PDE8B: variants seen among roughly 807,000 people sequenced by gnomAD.
PDE8B encodes phosphodiesterase 8B.
Under a neutral mutation model 101.3 loss-of-function variants are expected in PDE8B, and 26 were observed. The ratio of observed to expected loss-of-function variants is 0.26; its 90% CI spans 0.19 to 0.36. The LOEUF is 0.36. Ranked by LOEUF, PDE8B falls within the 10% of genes least tolerant of loss-of-function variation. The pLI is 1.00. For synonymous variants in PDE8B, 424 were observed against 429.3 expected (o/e 0.99, Z 0.15); for missense variants, 810 against 1,163.1 (o/e 0.70, Z 4.42).
At chr5:77,145,211 A>C in the PDE8B span, 2 of 152,158 alleles carry the variant, frequency 1.3e-5, no homozygotes, top group Non-Finnish European at 2.9e-5. Flanking sequence ...TACATATACA[A>C]AGTGATGAAA....
rs59393259 is a variant in PDE8B, at chr5:77,386,865, C to CTTTTTTTTTTTTTTTTTT, written c.1168-13371_1168-13354dup. 3.1e-4 allele frequency among the ~76,000 whole-genome samples: 16 copies of CTTTTTTTTTTTTTTTTTT among 51,080 alleles called. 3 individuals carry two copies. Among genetic ancestry groups the CTTTTTTTTTTTTTTTTTT allele is most frequent in the East Asian group, 7.9e-4 (1 of 1,260 alleles). The allele number at this position is 51,080 out of a possible 152,430, so 33.5% of individuals were successfully genotyped here. A position where few individuals can be genotyped will look rare whatever the true frequency, so the allele number is the denominator to read the frequency against. On this transcript the variant is annotated intron_variant, in intron 10 of 21. Transcript: ENST00000264917. ...TTTTGCCTGTTAGTTGATGTAGTTT[C>CTTTTTTTTTTTTTTTTTT]TTTTTTTTTTTTTTTTTTTTTTTTT...
chr5:77,355,500 C>G (rs1174286611), intron 10 of PDE8B, among the ~76,000 whole-genome samples: 1 of 152,110 alleles, frequency 6.6e-6, no homozygotes, highest in Non-Finnish European at 1.5e-5. Context: ...CAAAATCGGC[C>G]CATGGGTTTG....
At chr5:77,387,885 A>G (rs1452542599) in intron 10 of PDE8B, among the ~76,000 whole-genome samples, 1 of 151,730 alleles carries the variant, frequency 6.6e-6, no homozygotes, top group Non-Finnish European at 1.5e-5. Context: ...ATACTTGTGT[A>G]TGCTTCATGA....
At chr5:77,250,454 C>A (rs1328711490) in intron 1 of PDE8B, among the ~76,000 whole-genome samples, 1 of 152,154 alleles carries the variant, frequency 6.6e-6, no homozygotes, top group Non-Finnish European at 1.5e-5. Flanking sequence ...GACAGGGACA[C>A]TTTTCGTAAG....
intron 1 of PDE8B, among the ~76,000 whole-genome samples, chr5:77,215,711 C>T (rs1749530532): frequency 6.6e-6 from 1 of 152,122 alleles, no homozygotes; most frequent in Non-Finnish European, 1.5e-5. Flanking sequence ...TTCTGTGGCA[C>T]TAAACTGGTC....
chr5:77,242,962 G>A (rs187842561), intron 1 of PDE8B, among the ~76,000 whole-genome samples: 20 of 152,090 alleles, frequency 1.3e-4, no homozygotes, highest in African/African-American at 2.7e-4. Context: ...CACTGCGCCC[G>A]GCCAAATTTC....
At chr5:77,268,292 G>C (rs1260967479) in intron 1 of PDE8B, among the ~76,000 whole-genome samples, 1 of 151,942 alleles carries the variant, frequency 6.6e-6, no homozygotes, top group African/African-American at 2.4e-5. Flanking sequence ...TGATACAGGC[G>C]TACAATGCAT....
chr5:77,167,049 G>C, the PDE8B span: 2 of 152,190 alleles, frequency 1.3e-5, no homozygotes, highest in Non-Finnish European at 2.9e-5. Context: ...AATATTTGTT[G>C]AATGTAGTGA....
At chr5:77,298,267 T>C (rs1256246117) in intron 1 of PDE8B, among the ~76,000 whole-genome samples, 1 of 152,192 alleles carries the variant, frequency 6.6e-6, no homozygotes, top group Non-Finnish European at 1.5e-5. Flanking sequence ...AGACATCATT[T>C]CAATCTTCAT....
the PDE8B span, among the ~76,000 whole-genome samples, chr5:77,159,583 T>C: frequency 3.3e-5 from 5 of 152,198 alleles, no homozygotes; most frequent in African/African-American, 1.2e-4. Flanking sequence ...TCAACTCCCG[T>C]TCATATATGT....
chr5:77,153,443 T>C, the PDE8B span, among the ~76,000 whole-genome samples: 1 of 152,174 alleles, frequency 6.6e-6, no homozygotes, highest in African/African-American at 2.4e-5. Flanking sequence ...ACATGGTCAC[T>C]TCCTTCATTG....
intron 1 of PDE8B, among the ~76,000 whole-genome samples, chr5:77,231,655 A>AC (rs947186078): frequency 1.1e-4 from 17 of 152,232 alleles, no homozygotes; most frequent in Middle Eastern, 3.4e-3. Context: ...GAAACAGCTC[A>AC]CCCCCAGATG....
chr5:77,131,076 G>A, the PDE8B span: 1 of 152,268 alleles, frequency 6.6e-6, no homozygotes, highest in Non-Finnish European at 1.5e-5. Flanking sequence ...TCGATTCCCT[G>A]ACCTCTGACT....
intron 1 of PDE8B, among the ~76,000 whole-genome samples, chr5:77,233,798 G>GT (rs560799213): frequency 0.015 from 2,140 of 138,918 alleles, 36 homozygotes; most frequent in African/African-American, 0.046. Flanking sequence ...GTATGTTTGA[G>GT]TTTTTTTTTT....
At chr5:77,121,666 C>T in the PDE8B span, among the ~76,000 whole-genome samples, 3 of 152,100 alleles carry the variant, frequency 2.0e-5, no homozygotes, top group Non-Finnish European at 4.4e-5. Context: ...CGCCACCACG[C>T]CCAGCTAATT....
At chr5:77,328,604 A>C (rs1194163552) in intron 3 of PDE8B, among the ~76,000 whole-genome samples, 3 of 152,194 alleles carry the variant, frequency 2.0e-5, no homozygotes, top group Admixed American at 1.3e-4. Flanking sequence ...GCTATTTTAA[A>C]AGAAAAAAGA....
the PDE8B span, among the ~76,000 whole-genome samples, chr5:77,183,637 A>G: frequency 6.6e-6 from 1 of 152,212 alleles, no homozygotes; most frequent in Non-Finnish European, 1.5e-5. Flanking sequence ...TTTATGAGTG[A>G]TAATTTTCTT....
chr5:77,344,901 A>C lies in PDE8B; in HGVS notation c.846A>C (p.Ile282=). 6.2e-7 allele frequency: 1 copy of C among 1,611,198 alleles called. No homozygotes were observed. Among genetic ancestry groups the C allele is most frequent in the Non-Finnish European group, 8.5e-7 (1 of 1,177,266 alleles). The part of the protein sequence containing the change: ...FTALDHCHEA[I]EITSDDHVIQ... ...CATTAGATCACTGTCATGAAGCCAT[A>C]GAAATAACAAGCGATGACCACGTGA... The change falls in exon 7 of 22, where the codon ATA becomes ATC. Residue 282 remains isoleucine (I), a synonymous_variant. Transcript: ENST00000264917.
At chr5:77,117,097 AT>A in the PDE8B span, among the ~76,000 whole-genome samples, 1 of 152,152 alleles carries the variant, frequency 6.6e-6, no homozygotes, top group East Asian at 1.9e-4. Context: ...CTGAACTCTT[AT>A]AGAAATCACC....
Sources: allele counts gnomAD v4.1 joint callset (sites outside exome capture counted in the v4.1 genomes callset), GRCh38; gene constraint gnomAD v4.1.1; transcripts MANE v1.5; gene names NCBI Gene and HGNC (gene_info 2026-07-23, HGNC 2026-07-21).